Variants in NYAP2 observed in about 807,000 individuals in gnomAD.
NYAP2 encodes the protein neuronal tyrosine-phosphorylated phosphoinositide-3-kinase adaptor 2.
NYAP2 carries 23 observed loss-of-function variants against 50.4 expected under a neutral mutation model. The ratio of observed to expected loss-of-function variants is 0.46; its 90% CI spans 0.33 to 0.65. The LOEUF (loss-of-function observed/expected upper bound fraction) is 0.65, where lower values mean the gene tolerates loss of function less well. Among genes scored for constraint, NYAP2 ranks in the 30% least tolerant of loss-of-function variants. The pLI is 0.02. For missense variants in NYAP2, 885 were observed against 861.0 expected, an observed-to-expected ratio of 1.03 and a Z score of -0.35; for synonymous variants, 394 against 365.2, an observed-to-expected ratio of 1.08 and a Z score of -0.90.
intron 3 of NYAP2, among the ~76,000 whole-genome samples, chr2:225,504,113 C>T (rs1413908552): frequency 6.6e-6 from 1 of 152,080 alleles, no homozygotes; most frequent in African/African-American, 2.4e-5. Flanking sequence ...TGTCCAGCCT[C>T]CTGTCATAGT....
At chr2:225,675,226 A>G in the NYAP2 span, among the ~76,000 whole-genome samples, 6 of 152,186 alleles carry the variant, frequency 3.9e-5, no homozygotes, top group South Asian at 8.3e-4. Context: ...TTGAGGTCCC[A>G]ATGATCCCAT....
intron 3 of NYAP2, among the ~76,000 whole-genome samples, chr2:225,463,420 G>A (rs1304065458): frequency 6.6e-6 from 1 of 152,230 alleles, no homozygotes; most frequent in Non-Finnish European, 1.5e-5. Context: ...TGTCTTTGAT[G>A]AACATTTTAT....
At chr2:225,581,231 A>G (rs549394858) in intron 4 of NYAP2, among the ~76,000 whole-genome samples, 3 of 152,372 alleles carry the variant, frequency 2.0e-5, no homozygotes, top group East Asian at 1.9e-4. Context: ...TCAGTGGAAC[A>G]TATCTAATAA....
At chr2:225,564,479 C>T (rs1006206296) in intron 4 of NYAP2, among the ~76,000 whole-genome samples, 1 of 151,742 alleles carries the variant, frequency 6.6e-6, no homozygotes, top group Non-Finnish European at 1.5e-5. Flanking sequence ...CTAGACGAAA[C>T]CATTTTCCTC....
the NYAP2 span, among the ~76,000 whole-genome samples, chr2:225,687,410 G>T: frequency 1.3e-5 from 2 of 152,066 alleles, no homozygotes; most frequent in Non-Finnish European, 2.9e-5. Flanking sequence ...CATATAACTT[G>T]CCAATTTATC....
At chr2:225,403,685 G>A (rs899142173) in intron 2 of NYAP2, among the ~76,000 whole-genome samples, 1 of 151,842 alleles carries the variant, frequency 6.6e-6, no homozygotes, top group Admixed American at 6.6e-5. Context: ...ATGGAGAATA[G>A]CTCCATATCA....
chr2:225,423,760 A>G (rs1041634472), intron 3 of NYAP2, among the ~76,000 whole-genome samples: 1 of 152,148 alleles, frequency 6.6e-6, no homozygotes, highest in Non-Finnish European at 1.5e-5. Flanking sequence ...AACTATCTCC[A>G]TGTGCCAACT....
intron 4 of NYAP2, among the ~76,000 whole-genome samples, chr2:225,544,776 A>G (rs1387370835): frequency 6.6e-6 from 1 of 152,024 alleles, no homozygotes; most frequent in Admixed American, 6.6e-5. Context: ...ATTACCAGTT[A>G]GTTTTTTACC....
At chr2:225,628,523 A>G (rs1319546848) in intron 6 of NYAP2, among the ~76,000 whole-genome samples, 3 of 151,872 alleles carry the variant, frequency 2.0e-5, no homozygotes, top group African/African-American at 7.3e-5. Context: ...GGGTTTCACT[A>G]TGTTGGTCAG....
At chr2:225,518,618 TTA>T (rs1263137157) in intron 4 of NYAP2, among the ~76,000 whole-genome samples, 36 of 133,672 alleles carry the variant, frequency 2.7e-4, no homozygotes, top group Middle Eastern at 8.1e-3. Context: ...GCTTGTGAGC[TTA>T]TATATATATA....
chr2:225,652,385 A>T (rs1435738840), exon 7 of NYAP2: 3 of 152,228 alleles, frequency 2.0e-5, no homozygotes, highest in Non-Finnish European at 4.4e-5. Flanking sequence ...TGGAGAAAAG[A>T]GACAAGAAAT....
At chr2:225,483,960 A>T (rs980177631) in intron 3 of NYAP2, among the ~76,000 whole-genome samples, 5 of 152,222 alleles carry the variant, frequency 3.3e-5, no homozygotes, top group African/African-American at 1.2e-4. Context: ...ATGTGAAAGA[A>T]ATTTCTTAAA....
chr2:225,609,290 C>T (rs979784526), intron 5 of NYAP2, among the ~76,000 whole-genome samples: 1 of 152,040 alleles, frequency 6.6e-6, no homozygotes, highest in East Asian at 1.9e-4. Context: ...CAAGTGATGC[C>T]GTTCATACTC....
chr2:225,684,074 G>A, the NYAP2 span, among the ~76,000 whole-genome samples: 1 of 152,070 alleles, frequency 6.6e-6, no homozygotes, highest in African/African-American at 2.4e-5. Context: ...CAGGCTTTAG[G>A]TCAATGTGAC....
chr2:225,628,268 T>C (rs140020136), intron 6 of NYAP2, among the ~76,000 whole-genome samples: 1 of 151,874 alleles, frequency 6.6e-6, no homozygotes, highest in African/African-American at 2.4e-5. Context: ...TAAATTGCTA[T>C]AGGTGTGCAT....
intron 3 of NYAP2, among the ~76,000 whole-genome samples, chr2:225,447,517 A>G (rs967095453): frequency 2.0e-4 from 30 of 152,166 alleles, no homozygotes; most frequent in African/African-American, 7.2e-4. Flanking sequence ...TGAATTACAG[A>G]TCCCAAACCT....
At chr2:225,515,336 A>G (rs908184670) in intron 4 of NYAP2, among the ~76,000 whole-genome samples, 2 of 152,204 alleles carry the variant, frequency 1.3e-5, no homozygotes, top group African/African-American at 4.8e-5. Flanking sequence ...ACTAATTTCC[A>G]TGGTGTGCAA....
intron 3 of NYAP2, among the ~76,000 whole-genome samples, chr2:225,502,172 T>C (rs1447777933): frequency 6.6e-6 from 1 of 152,186 alleles, no homozygotes; most frequent in Non-Finnish European, 1.5e-5. Context: ...GGCAGCACTG[T>C]AGAGAAAGAT....
At chr2:225,472,024 C>T (rs1372013634) in intron 3 of NYAP2, among the ~76,000 whole-genome samples, 1 of 152,094 alleles carries the variant, frequency 6.6e-6, no homozygotes, top group African/African-American at 2.4e-5. Flanking sequence ...ATCTCCCTAC[C>T]ATCCTTCGAG....
Sources: allele counts gnomAD v4.1 joint callset (sites outside exome capture counted in the v4.1 genomes callset), GRCh38; gene constraint gnomAD v4.1.1; transcripts MANE v1.5; gene names NCBI Gene and HGNC (gene_info 2026-07-23, HGNC 2026-07-21).